Variants in CCDC57 observed in about 807,000 individuals in gnomAD.
The protein encoded by CCDC57 is coiled-coil domain-containing protein 57.
A neutral mutation model predicts 118.9 loss-of-function variants in CCDC57; 118 were observed. That is an observed-to-expected ratio of 0.99 (90% CI 0.86 to 1.16). The LOEUF (loss-of-function observed/expected upper bound fraction) is 1.16, where lower values mean the gene tolerates loss of function less well. CCDC57 is among the 50% of genes most tolerant of loss of function. The pLI, the probability that CCDC57 is intolerant of heterozygous loss-of-function variation, is 0.00. For synonymous variants in CCDC57, 527 were observed against 532.9 expected (o/e 0.99, Z 0.15); for missense variants, 1,300 against 1,320.7 (o/e 0.98, Z 0.24).
intron 13 of CCDC57, among the ~76,000 whole-genome samples, chr17:82,169,813 T>C (rs961648021): frequency 8.5e-5 from 13 of 152,240 alleles, no homozygotes; most frequent in Non-Finnish European, 1.9e-4. Flanking sequence ...CTTTTGATGT[T>C]GGACTAACCA....
intron 19 of CCDC57, among the ~76,000 whole-genome samples, chr17:82,116,010 G>T (rs1487399117): frequency 6.6e-6 from 1 of 150,478 alleles, no homozygotes; most frequent in Non-Finnish European, 1.5e-5. Context: ...TCTTGGCCAG[G>T]CTGGTCTTGA....
chr17:82,187,987 T>G (rs1343167488), intron 8 of CCDC57, among the ~76,000 whole-genome samples: 3 of 151,730 alleles, frequency 2.0e-5, no homozygotes, highest in African/African-American at 7.3e-5. Flanking sequence ...TATGCATATC[T>G]TACTATAAAT....
chr17:82,136,736 C>A (rs940952178), intron 16 of CCDC57, among the ~76,000 whole-genome samples: 9 of 151,686 alleles, frequency 5.9e-5, no homozygotes, highest in African/African-American at 2.2e-4. Context: ...TAGCTGGGAC[C>A]ACACCCAGCC....
chr17:82,120,824 C>T (rs1048033801), intron 19 of CCDC57, among the ~76,000 whole-genome samples: 6 of 152,018 alleles, frequency 3.9e-5, no homozygotes, highest in Admixed American at 2.0e-4. Flanking sequence ...GGTGCAACCT[C>T]GGCTCACTGC....
At chr17:82,170,322 A>G (rs891400039) in intron 13 of CCDC57, among the ~76,000 whole-genome samples, 2 of 152,116 alleles carry the variant, frequency 1.3e-5, no homozygotes, top group South Asian at 2.1e-4. Flanking sequence ...AGCCTGACCA[A>G]CGTGGTGAAA....
rs1468590213 is a variant in CCDC57 at position 82,172,811 on chromosome 17, C to T, written c.1556G>A (p.Ser519Asn). 2.5e-6 allele frequency: 4 copies of T among 1,613,610 alleles called. No individual in the cohort carries two copies. The highest frequency in any genetic ancestry group is 3.4e-6 in the Non-Finnish European group (4 of 1,179,754). ...CTGCTCTCGGAGCCGCTGGATCTCA[C>T]TGGATGGAAAGTCTTTACTTATTTC... Residue 519 changes from serine (S) to asparagine (N), a missense_variant, in exon 12 of 20, where the codon AGT becomes AAT. By Grantham distance (46) the Ser-to-Asn change is conservative. Coordinates refer to ENST00000665763, the Ensembl canonical transcript of CCDC57. This position sits in a 1 kb window ranked among gnomAD's most constrained non-coding sequence, Gnocchi z 5.2.
intron 19 of CCDC57, among the ~76,000 whole-genome samples, chr17:82,124,413 C>A (rs1197515397): frequency 6.6e-6 from 1 of 152,204 alleles, no homozygotes; most frequent in Non-Finnish European, 1.5e-5. Flanking sequence ...AAATCAACGA[C>A]ACGACTCTGC....
intron 16 of CCDC57, among the ~76,000 whole-genome samples, chr17:82,148,664 G>A (rs1270899774): frequency 2.9e-5 from 3 of 101,974 alleles, no homozygotes; most frequent in African/African-American, 1.1e-4. Context: ...AGATGAATGA[G>A]TGGGTGGATG....
At chr17:82,205,028 G>A (rs1240385088) in intron 2 of CCDC57, among the ~76,000 whole-genome samples, 3 of 152,320 alleles carry the variant, frequency 2.0e-5, no homozygotes, top group South Asian at 2.1e-4. Context: ...CCCCAGTGTC[G>A]GGTGTAGTGA....
At chr17:82,158,074 TC>T in intron 14 of CCDC57, 126 bp from the exon 14 acceptor site, 1 of 1,445,900 alleles carries the variant, frequency 6.9e-7, no homozygotes, top group Non-Finnish European at 9.1e-7. Context: ...CAGGGCCTCC[TC>T]CCCAGCTGGA....
rs745908265 is a variant in CCDC57 at position 82,201,863 on chromosome 17, G to A, written c.82C>T (p.Arg28Cys). ...AGAGCCGCCTCCTGCAGCTGGGTGC[G>A]GTGTGCCTGCAGCGCCCTCCACTCC... is the stretch of plus-strand genomic sequence containing the variant. Residue 28 changes from arginine (R) to cysteine (C), a missense_variant, in exon 3 of 20, where the codon CGC becomes TGC. By Grantham distance (180) the Arg-to-Cys change is radical (BLOSUM62 -3). Transcript: ENST00000665763. The A allele has an allele frequency of 1.7e-5, 28 of 1,613,060 alleles. No individual in the cohort carries two copies. The Admixed American group carries it at 2.8e-4, about 16-fold the overall frequency.
intron 19 of CCDC57, chr17:82,113,071 A>G (rs1203914945): frequency 5.1e-6 from 2 of 395,488 alleles, no homozygotes; most frequent in Non-Finnish European, 9.1e-6. Context: ...AGTTATTTCA[A>G]CACAAGTTAC....
intron 19 of CCDC57, among the ~76,000 whole-genome samples, chr17:82,102,270 G>A (rs994889216): frequency 5.3e-5 from 8 of 152,240 alleles, no homozygotes; most frequent in African/African-American, 1.4e-4. Context: ...GCTGCCCCGG[G>A]TGTCCCTACC....
At chr17:82,199,333 C>T (rs896448803) in intron 3 of CCDC57, among the ~76,000 whole-genome samples, 2 of 151,810 alleles carry the variant, frequency 1.3e-5, no homozygotes, top group African/African-American at 4.8e-5. Flanking sequence ...CAAAAATTAG[C>T]CGGGCATGGT....
At position 82,126,667 on chromosome 17, in the gene CCDC57, G is replaced by A. The variant is rs899671137; in HGVS notation, c.2899+1025C>T. The A allele has an allele frequency of 1.5e-4, 148 of 985,248 alleles. No individual in the cohort carries two copies. The African/African-American group carries it at 1.9e-3, about 12-fold the overall frequency. The allele number at this position is 985,248 out of a possible 1,614,324, so 61.0% of individuals were successfully genotyped here. On this transcript the variant is annotated intron_variant, in intron 19 of 19. Coordinates refer to ENST00000665763, the Ensembl canonical transcript of CCDC57. ...TGGGAGCAGCCTCTGGGTGGGTGGC[G>A]GAGGCTGAGGCGATGCTGTCCACCA...
chr17:82,207,521 T>C (rs894447985), intron 2 of CCDC57: 2 of 152,134 alleles, frequency 1.3e-5, no homozygotes, highest in African/African-American at 4.8e-5. Flanking sequence ...CCCGGATTGA[T>C]AAACTGGCTC....
chr17:82,159,810 T>G (rs1160897678), intron 14 of CCDC57, among the ~76,000 whole-genome samples: 1 of 152,038 alleles, frequency 6.6e-6, no homozygotes, highest in Non-Finnish European at 1.5e-5. Context: ...TAGCTGGGAT[T>G]ACAGGCACGC....
At chr17:82,112,781 A>T (rs576817853) in intron 19 of CCDC57, 1 of 152,434 alleles carries the variant, frequency 6.6e-6, no homozygotes, top group East Asian at 1.9e-4. Flanking sequence ...CCTTCCAACA[A>T]GGGTGGCGGT....
chr17:82,126,067 G>A (rs1306725757), intron 19 of CCDC57, among the ~76,000 whole-genome samples: 1 of 152,132 alleles, frequency 6.6e-6, no homozygotes, highest in Non-Finnish European at 1.5e-5. Flanking sequence ...GATCAACTGA[G>A]GTCAGGAGTT....
Sources: allele counts gnomAD v4.1 joint callset (sites outside exome capture counted in the v4.1 genomes callset), GRCh38; gene constraint gnomAD v4.1.1; non-coding constraint Gnocchi (gnomAD v3.1); transcripts MANE v1.5; gene names NCBI Gene and HGNC (gene_info 2026-07-23, HGNC 2026-07-21).